The following PIP5K1B variants were observed in gnomAD, a reference collection of about 807,000 sequenced individuals.
The protein encoded by PIP5K1B is phosphatidylinositol-4-phosphate 5-kinase type 1 beta.
Under a neutral mutation model 67.0 loss-of-function variants are expected in PIP5K1B, and 42 were observed. The observed-to-expected ratio is 0.63, with a 90% CI of 0.49 to 0.81. The LOEUF (loss-of-function observed/expected upper bound fraction) is 0.81, where lower values mean the gene tolerates loss of function less well. Among genes scored for constraint, PIP5K1B ranks in the 30% least tolerant of loss-of-function variants. PIP5K1B has a pLI of 0.00. For synonymous variants in PIP5K1B, 214 were observed against 231.4 expected (o/e 0.92, Z 0.68); for missense variants, 459 against 646.3 (o/e 0.71, Z 3.14).
At chr9:68,742,014 G>A (rs920028149) in intron 1 of PIP5K1B, among the ~76,000 whole-genome samples, 1 of 152,154 alleles carries the variant, frequency 6.6e-6, no homozygotes, top group African/African-American at 2.4e-5. Flanking sequence ...ATGTGAAGCT[G>A]AAATATTACT....
chr9:68,705,608 GCCGCCCCCT>G lies in PIP5K1B; in HGVS notation c.-390_-382del, dbSNP rs1827084775. 1 of 9,686 alleles carries G rather than the reference GCCGCCCCCT, an allele frequency of 1.0e-4. No individual in the cohort carries two copies. The highest frequency in any genetic ancestry group is 4.0e-4 in the African/African-American group (1 of 2,500). 0.6% of individuals were successfully genotyped at this position (9,686 alleles called of 1,614,324 possible). Reference sequence around the variant, plus strand: ...GTTGCCCCCGGCCCCGGCCCCGCCCGCCGCCCCCTCCGCCCTCCCGCCCCTCCCGCCCCT... The same window carrying G: ...GTTGCCCCCGGCCCCGGCCCCGCCCGCCGCCCTCCCGCCCCTCCCGCCCCT... On this transcript the variant is annotated 5_prime_UTR_variant, in exon 1 of 16. Transcript: ENST00000265382.
intron 2 of PIP5K1B, among the ~76,000 whole-genome samples, chr9:68,777,089 T>C (rs1830954274): frequency 6.6e-6 from 1 of 152,186 alleles, no homozygotes; most frequent in Non-Finnish European, 1.5e-5. Flanking sequence ...GCACTCTAAA[T>C]AATAATAATA....
At chr9:68,875,253 G>GACC (rs975725415) in intron 5 of PIP5K1B, among the ~76,000 whole-genome samples, 2 of 116,814 alleles carry the variant, frequency 1.7e-5, no homozygotes, top group African/African-American at 6.6e-5. Flanking sequence ...ATATGGTGCT[G>GACC]ACCCCTAACA....
intron 1 of PIP5K1B, among the ~76,000 whole-genome samples, chr9:68,732,898 G>A (rs2132293366): frequency 7.2e-6 from 1 of 138,826 alleles, no homozygotes; most frequent in African/African-American, 3.0e-5. Flanking sequence ...ATCCGTTGCT[G>A]GTGATGTGGA....
chr9:68,854,559 G>A (rs920737113), intron 4 of PIP5K1B, among the ~76,000 whole-genome samples: 3 of 152,186 alleles, frequency 2.0e-5, no homozygotes, highest in African/African-American at 4.8e-5. Flanking sequence ...AACTTGTTAT[G>A]ATTACATTTT....
intron 14 of PIP5K1B, among the ~76,000 whole-genome samples, chr9:68,977,591 G>A (rs567115130): frequency 9.5e-4 from 144 of 151,886 alleles, no homozygotes; most frequent in Admixed American, 1.3e-3. Flanking sequence ...TGTTGTCTTG[G>A]ATGTTATTTT....
At chr9:68,884,568 G>A (rs141918519) in intron 6 of PIP5K1B, among the ~76,000 whole-genome samples, 85 of 151,928 alleles carry the variant, frequency 5.6e-4, no homozygotes, top group Middle Eastern at 6.8e-3. Flanking sequence ...GGAGGCTGAG[G>A]TGAGAGGATC....
chr9:68,723,695 G>GTTTTTTTTTTTTTTTTTTTTT (rs36021674), intron 1 of PIP5K1B, among the ~76,000 whole-genome samples: 10 of 50,124 alleles, frequency 2.0e-4, no homozygotes, highest in African/African-American at 2.6e-4. Context: ...GAAGTATTTG[G>GTTTTTTTTTTTTTTTTTTTTT]TTTTTTTTTT....
intron 4 of PIP5K1B, among the ~76,000 whole-genome samples, chr9:68,829,282 A>G (rs1834157452): frequency 6.6e-6 from 1 of 152,182 alleles, no homozygotes; most frequent in South Asian, 2.1e-4. Context: ...CACCACTTCC[A>G]TAAAACAAGC....
chr9:68,922,004 C>T (rs895735852), intron 11 of PIP5K1B, among the ~76,000 whole-genome samples: 6 of 152,126 alleles, frequency 3.9e-5, no homozygotes, highest in East Asian at 1.9e-4. Context: ...CATGCCAAAG[C>T]GAACAACAAT....
chr9:68,952,558 A>G (rs1828134134), intron 14 of PIP5K1B, among the ~76,000 whole-genome samples: 1 of 152,190 alleles, frequency 6.6e-6, no homozygotes, highest in African/African-American at 2.4e-5. Context: ...CAGTATGAAA[A>G]ATATTCATTG....
At chr9:68,979,557 C>T (rs1177267207) in intron 14 of PIP5K1B, among the ~76,000 whole-genome samples, 2 of 26,166 alleles carry the variant, frequency 7.6e-5, no homozygotes, top group Non-Finnish European at 2.0e-4. Flanking sequence ...CACAGAGTCA[C>T]TCCCCTCAAA....
rs111577374 is a variant in PIP5K1B, at chr9:68,867,135, A to G, written c.200+3168A>G. ...AAACACCCCATGAAAATAAAAGTCT[A>G]TATCTTCCCTTCAAAAAAAAATGGC... On this transcript the variant is annotated intron_variant, in intron 5 of 15. Coordinates refer to ENST00000265382, the MANE Select transcript of PIP5K1B (RefSeq NM_003558.4). Among the ~76,000 whole-genome samples the G allele has an allele frequency of 9.7e-4, 133 of 137,588 alleles. 1 individual carries two copies. The highest frequency in any genetic ancestry group is 3.0e-3 in the African/African-American group (122 of 40,804). 90.3% of individuals were successfully genotyped at this position (137,588 alleles called of 152,430 possible).
chr9:68,846,962 C>T (rs943474961), intron 4 of PIP5K1B, among the ~76,000 whole-genome samples: 3 of 152,150 alleles, frequency 2.0e-5, no homozygotes, highest in African/African-American at 7.2e-5. Flanking sequence ...AAAAAAACTG[C>T]AGGACCAAAA....
At chr9:68,734,520 C>G (rs140351722) in intron 1 of PIP5K1B, among the ~76,000 whole-genome samples, 191 of 152,366 alleles carry the variant, frequency 1.3e-3, no homozygotes, top group Non-Finnish European at 2.4e-3. Context: ...GTGAAGACTG[C>G]TGGTAGCAGG....
chr9:68,830,300 A>G (rs1279181328), intron 4 of PIP5K1B, among the ~76,000 whole-genome samples: 1 of 152,158 alleles, frequency 6.6e-6, no homozygotes, highest in African/African-American at 2.4e-5. Context: ...CACCCCTCCA[A>G]ACACTTGTGC....
At chr9:68,938,586 T>C (rs1827393022) in intron 13 of PIP5K1B, among the ~76,000 whole-genome samples, 1 of 152,206 alleles carries the variant, frequency 6.6e-6, no homozygotes, top group Non-Finnish European at 1.5e-5. Flanking sequence ...ATTTAGCCCA[T>C]TTATATTTAA....
At chr9:68,905,028 G>T (rs1825538611) in intron 8 of PIP5K1B, among the ~76,000 whole-genome samples, 1 of 151,954 alleles carries the variant, frequency 6.6e-6, no homozygotes, top group Non-Finnish European at 1.5e-5. Context: ...AAATCTTTGG[G>T]CTTATGAAAT....
intron 2 of PIP5K1B, chr9:68,786,054 C>T (rs566303590): frequency 6.6e-6 from 1 of 152,244 alleles, no homozygotes; most frequent in Admixed American, 6.5e-5. Flanking sequence ...AATACTGATC[C>T]TTCTCTAATG....
Sources: gnomAD v4.1 joint callset for allele counts (sites outside exome capture counted in the v4.1 genomes callset) on GRCh38, gnomAD v4.1.1 for gene constraint, MANE v1.5 for transcripts, NCBI Gene and HGNC (gene_info 2026-07-23, HGNC 2026-07-21) for gene names.